The following ATP2B2 variants were observed in gnomAD, a reference collection of about 807,000 sequenced individuals.
ATP2B2 encodes ATPase plasma membrane Ca2+ transporting 2, also known as plasma membrane calcium-transporting ATPase 2.
ATP2B2 carries 15 observed loss-of-function variants against 120.0 expected under a neutral mutation model. The ratio of observed to expected loss-of-function variants is 0.12; its 90% CI spans 0.08 to 0.19. ATP2B2 has a LOEUF of 0.19. Among genes scored for constraint, ATP2B2 ranks in the 10% least tolerant of loss-of-function variants. The pLI is 1.00. For missense variants in ATP2B2, 1,045 were observed against 1,719.8 expected, an observed-to-expected ratio of 0.61 and a Z score of 6.94; for synonymous variants, 694 against 700.3, an observed-to-expected ratio of 0.99 and a Z score of 0.14.
At chr3:10,605,111 T>C (rs1463120833) in intron 2 of ATP2B2, among the ~76,000 whole-genome samples, 1 of 152,212 alleles carries the variant, frequency 6.6e-6, no homozygotes, top group Non-Finnish European at 1.5e-5. Context: ...CTTCCATCTC[T>C]GCCACTAGAG....
At chr3:10,527,232 G>A (rs945042402) in intron 3 of ATP2B2, among the ~76,000 whole-genome samples, 2 of 152,186 alleles carry the variant, frequency 1.3e-5, no homozygotes, top group African/African-American at 4.8e-5. Context: ...GGGCAGCTCA[G>A]AGCTAGCACC....
chr3:10,508,745 T>C (rs748763990), upstream of ATP2B2, among the ~76,000 whole-genome samples: 6 of 152,206 alleles, frequency 3.9e-5, no homozygotes, highest in Admixed American at 1.3e-4. Flanking sequence ...GGCAGAGGTG[T>C]TGTGAAATTA....
intron 1 of ATP2B2, among the ~76,000 whole-genome samples, chr3:10,679,416 C>T (rs1288119487): frequency 6.6e-6 from 1 of 152,188 alleles, no homozygotes; most frequent in Non-Finnish European, 1.5e-5. Context: ...GGGACCCAGA[C>T]CATCTCTAGG....
chr3:10,487,086 A>G (rs2065710462), intron 1 of ATP2B2, among the ~76,000 whole-genome samples: 2 of 152,106 alleles, frequency 1.3e-5, no homozygotes, highest in South Asian at 4.2e-4. Flanking sequence ...GTTTACCACT[A>G]TGTACCCACT....
intron 2 of ATP2B2, among the ~76,000 whole-genome samples, chr3:10,564,845 T>C (rs1202535034): frequency 2.0e-5 from 3 of 152,222 alleles, no homozygotes; most frequent in African/African-American, 7.2e-5. Context: ...AGATTTCCTA[T>C]TGTTCTCTCA....
At chr3:10,501,506 G>T (rs2066393039) in intron 1 of ATP2B2, among the ~76,000 whole-genome samples, 1 of 152,068 alleles carries the variant, frequency 6.6e-6, no homozygotes, top group African/African-American at 2.4e-5. Flanking sequence ...GCATAGCTGG[G>T]ACGACAGGAG....
chr3:10,706,416 T>C (rs1370541025), intron 1 of ATP2B2, among the ~76,000 whole-genome samples: 2 of 152,174 alleles, frequency 1.3e-5, no homozygotes, highest in East Asian at 3.9e-4. Context: ...CAGGTATTGG[T>C]TTCTCCCATG....
chr3:10,423,829 C>T (rs151260290), intron 2 of ATP2B2, among the ~76,000 whole-genome samples: 55 of 152,290 alleles, frequency 3.6e-4, no homozygotes, highest in African/African-American at 1.2e-3. Flanking sequence ...GTTTCTTTAT[C>T]CACAAACTGG....
intron 1 of ATP2B2, among the ~76,000 whole-genome samples, chr3:10,457,281 G>GGCTA (rs1186868392): frequency 6.6e-6 from 1 of 152,074 alleles, no homozygotes; most frequent in African/African-American, 2.4e-5. Context: ...GAGTATGCAG[G>GGCTA]GCTAGTATAG....
chr3:10,651,702 TG>T (rs2070467725), intron 1 of ATP2B2, among the ~76,000 whole-genome samples: 5 of 148,620 alleles, frequency 3.4e-5, no homozygotes, highest in African/African-American at 1.0e-4. Context: ...GATGGAAGGG[TG>T]AATGGATGGA....
At chr3:10,394,705 G>C in intron 5 of ATP2B2, 1 of 377,372 alleles carries the variant, frequency 2.6e-6, no homozygotes, top group South Asian at 1.9e-5. Flanking sequence ...TGTGGGCAGA[G>C]TCCCAAGAGG....
At chr3:10,332,093 C>T (rs759846117) in intron 22 of ATP2B2, 14 of 1,490,470 alleles carry the variant, frequency 9.4e-6, no homozygotes, top group African/African-American at 1.4e-5. Context: ...GGGTTCCCCC[C>T]ACAAAGCAAG....
chr3:10,333,360 C>G (rs1220410325), intron 22 of ATP2B2, among the ~76,000 whole-genome samples: 2 of 152,114 alleles, frequency 1.3e-5, no homozygotes, highest in Non-Finnish European at 2.9e-5. Context: ...GGGCGGCCCA[C>G]TTCCTCATCC....
intron 3 of ATP2B2, among the ~76,000 whole-genome samples, chr3:10,404,692 G>A (rs1356919091): frequency 1.3e-5 from 2 of 152,206 alleles, no homozygotes; most frequent in Admixed American, 1.3e-4. Flanking sequence ...GACATATGAT[G>A]ACGGGAGGAG....
rs1378744902 is a variant in ATP2B2, at chr3:10,375,175, C to T, written c.1416+255G>A. ...TGGCAATGCTGGGCCTGCACCCCTG[C>T]AAGGCGGCGTGTGGCTGGGCTGAAT... On this transcript the variant is annotated intron_variant, in intron 11 of 22. Coordinates refer to ENST00000360273, the MANE Select transcript of ATP2B2 (RefSeq NM_001001331.4). This position sits in a 1 kb window ranked among gnomAD's most constrained non-coding sequence, Gnocchi z 4.2. 1.3e-5 allele frequency among the ~76,000 whole-genome samples: 2 copies of T among 152,230 alleles called. No individual in the cohort carries two copies. The highest frequency in any genetic ancestry group is 4.8e-5 in the African/African-American group (2 of 41,462).
intron 1 of ATP2B2, among the ~76,000 whole-genome samples, chr3:10,701,383 G>C (rs2071814874): frequency 6.6e-6 from 1 of 152,104 alleles, no homozygotes; most frequent in South Asian, 2.1e-4. Context: ...TCTCCAAATA[G>C]CGCCAAAAGC....
At chr3:10,490,970 C>T (rs1351214187) in intron 1 of ATP2B2, among the ~76,000 whole-genome samples, 1 of 152,184 alleles carries the variant, frequency 6.6e-6, no homozygotes, top group Non-Finnish European at 1.5e-5. Flanking sequence ...CTCTTCTAAC[C>T]TTTGAGCCTG....
chr3:10,514,712 G>A (rs972231540), intron 3 of ATP2B2, among the ~76,000 whole-genome samples: 2 of 152,180 alleles, frequency 1.3e-5, no homozygotes, highest in Admixed American at 6.5e-5. Context: ...CTTGCTCAGG[G>A]CTCATCTTCA....
chr3:10,591,958 G>T (rs2068654800), intron 2 of ATP2B2, among the ~76,000 whole-genome samples: 2 of 152,224 alleles, frequency 1.3e-5, no homozygotes, highest in Admixed American at 6.5e-5. Context: ...TAGGGGTCAA[G>T]TTCTAGAAGG....
Sources: gnomAD v4.1 joint callset for allele counts (sites outside exome capture counted in the v4.1 genomes callset) on GRCh38, gnomAD v4.1.1 for gene constraint, Gnocchi (gnomAD v3.1) non-coding constraint, MANE v1.5 for transcripts, NCBI Gene and HGNC (gene_info 2026-07-23, HGNC 2026-07-21) for gene names.